The following LEKR1 variants were observed in gnomAD, a reference collection of about 807,000 sequenced individuals.
LEKR1 encodes the protein leucine, glutamate and lysine rich 1, also known as protein LEKR1.
In LEKR1, 59 loss-of-function variants were observed where a neutral mutation model predicts 72.4. The observed-to-expected ratio is 0.82, with a 90% CI of 0.66 to 1.01. LEKR1 has a LOEUF of 1.01. LEKR1 is among the 50% of genes least tolerant of loss of function. The probability of loss-of-function intolerance (pLI) is 0.00; values close to 1 mark genes in which losing one functional copy is unlikely to be tolerated. For synonymous variants in LEKR1, 257 were observed against 263.2 expected (o/e 0.98, Z 0.23); for missense variants, 728 against 759.2 (o/e 0.96, Z 0.48).
At chr3:157,044,820 T>C (rs1241700510) in intron 12 of LEKR1, among the ~76,000 whole-genome samples, 1 of 152,234 alleles carries the variant, frequency 6.6e-6, no homozygotes, top group Non-Finnish European at 1.5e-5. Context: ...CTGATTTTAT[T>C]GTTTCAACGC....
chr3:156,846,518 T>C (rs1329944700), intron 2 of LEKR1, among the ~76,000 whole-genome samples: 1 of 152,080 alleles, frequency 6.6e-6, no homozygotes, highest in East Asian at 1.9e-4. Context: ...GTTAACTTAA[T>C]GATGAGGAAG....
chr3:157,003,398 C>T (rs1318437144), intron 9 of LEKR1, among the ~76,000 whole-genome samples: 1 of 152,136 alleles, frequency 6.6e-6, no homozygotes, highest in Non-Finnish European at 1.5e-5. Flanking sequence ...AATTTAGTGG[C>T]TTAAAATAAC....
At chr3:156,950,707 A>C (rs1295124600) in intron 6 of LEKR1, among the ~76,000 whole-genome samples, 1 of 151,468 alleles carries the variant, frequency 6.6e-6, no homozygotes, top group Non-Finnish European at 1.5e-5. Context: ...GTGATTGTAC[A>C]TTGATTTTGT....
chr3:156,953,996 G>T (rs1727401552), intron 6 of LEKR1, among the ~76,000 whole-genome samples: 1 of 151,758 alleles, frequency 6.6e-6, no homozygotes. Context: ...CAGTGTAAAA[G>T]CTCCTTTTTC....
intron 12 of LEKR1, among the ~76,000 whole-genome samples, chr3:157,039,790 T>C (rs1254547512): frequency 6.6e-6 from 1 of 152,224 alleles, no homozygotes; most frequent in Non-Finnish European, 1.5e-5. Context: ...GTTTAATCAG[T>C]ATACAGAATA....
intron 12 of LEKR1, among the ~76,000 whole-genome samples, chr3:157,036,783 G>T (rs1734998116): frequency 6.6e-6 from 1 of 152,104 alleles, no homozygotes; most frequent in Non-Finnish European, 1.5e-5. Context: ...AGAATGGTGG[G>T]TTCTTAGAAG....
At chr3:157,021,625 G>A (rs1320440718) in intron 10 of LEKR1, among the ~76,000 whole-genome samples, 1 of 152,024 alleles carries the variant, frequency 6.6e-6, no homozygotes, top group Non-Finnish European at 1.5e-5. Context: ...CTTAATTTGA[G>A]CAATCAATCC....
chr3:156,955,319 T>C (rs1186506121), intron 6 of LEKR1, among the ~76,000 whole-genome samples: 1 of 152,016 alleles, frequency 6.6e-6, no homozygotes, highest in Non-Finnish European at 1.5e-5. Context: ...CTTATTTTCC[T>C]ATTTGGATAT....
intron 2 of LEKR1, among the ~76,000 whole-genome samples, chr3:156,836,020 T>C (rs1713094076): frequency 6.6e-6 from 1 of 151,598 alleles, no homozygotes; most frequent in Non-Finnish European, 1.5e-5. Context: ...ATTACAGGCA[T>C]GTACCACCAT....
intron 1 of LEKR1, among the ~76,000 whole-genome samples, chr3:156,827,844 G>A (rs937835112): frequency 6.6e-6 from 1 of 152,196 alleles, no homozygotes; most frequent in Non-Finnish European, 1.5e-5. Flanking sequence ...ATTTAGATCC[G>A]TGCTCTCAGA....
intron 5 of LEKR1, among the ~76,000 whole-genome samples, chr3:156,928,143 A>G (rs62275808): frequency 0.032 from 4,826 of 152,146 alleles, 115 homozygotes; most frequent in Non-Finnish European, 0.047. Flanking sequence ...TGAGTTCCAG[A>G]CAGAGGATAA....
At chr3:157,019,423 G>A (rs1287478322) in intron 10 of LEKR1, among the ~76,000 whole-genome samples, 1 of 152,164 alleles carries the variant, frequency 6.6e-6, no homozygotes, top group Non-Finnish European at 1.5e-5. Flanking sequence ...GAATGCTCTG[G>A]AGTCATCCGG....
intron 3 of LEKR1, among the ~76,000 whole-genome samples, chr3:156,898,337 G>A (rs140347352): frequency 0.046 from 6,924 of 152,034 alleles, 564 homozygotes; most frequent in African/African-American, 0.16. Flanking sequence ...GGTTTGTAGG[G>A]CATGACTCCC....
In LEKR1 at chr3:156,979,203, G is replaced by A. The variant is rs1206532109; in HGVS notation, c.755G>A (p.Cys252Tyr). 3 of 1,273,946 alleles carry A rather than the reference G, an allele frequency of 2.4e-6. No individual in the cohort carries two copies. The highest frequency in any genetic ancestry group is 3.0e-5 in the African/African-American group (2 of 65,574). The allele number at this position is 1,273,946 out of a possible 1,614,324, so 78.9% of individuals were successfully genotyped here. Reference sequence around the variant, plus strand: ...CATTGTGTCATTTCAGATTTACAATGTCTAGTAGAGGCACTTGGATTAAAA... The same window carrying A: ...CATTGTGTCATTTCAGATTTACAATATCTAGTAGAGGCACTTGGATTAAAA... ...DLQKEVLDLQ[C>Y]LVEALGLKLQ... Residue 252 changes from cysteine to tyrosine, a missense_variant, in exon 7 of 13, where the codon TGT becomes TAT. Cys to Tyr is a radical substitution (Grantham distance 194, BLOSUM62 -2). Coordinates refer to ENST00000356539, the MANE Select transcript of LEKR1 (RefSeq NM_001004316.3).
At chr3:156,830,954 T>C (rs1712300716) in intron 2 of LEKR1, among the ~76,000 whole-genome samples, 1 of 152,202 alleles carries the variant, frequency 6.6e-6, no homozygotes, top group African/African-American at 2.4e-5. Context: ...TTTGGTTTCT[T>C]TTTTATTGTT....
chr3:156,902,108 G>A (rs979637508), intron 3 of LEKR1, among the ~76,000 whole-genome samples: 45 of 152,054 alleles, frequency 3.0e-4, no homozygotes, highest in African/African-American at 1.1e-3. Context: ...ATATTTTGGG[G>A]TGCATTAATA....
chr3:156,836,413 A>T (rs1366674791), intron 2 of LEKR1, among the ~76,000 whole-genome samples: 2 of 152,214 alleles, frequency 1.3e-5, no homozygotes, highest in Non-Finnish European at 2.9e-5. Context: ...AAGAAAAAAA[A>T]AGCTTTTTCT....
At chr3:156,930,406 G>A (rs1180088296) in intron 5 of LEKR1, among the ~76,000 whole-genome samples, 1 of 151,996 alleles carries the variant, frequency 6.6e-6, no homozygotes, top group Non-Finnish European at 1.5e-5. Context: ...GGCTTATAAA[G>A]TATGTCAATG....
chr3:156,899,075 T>C (rs1560062892), intron 3 of LEKR1, among the ~76,000 whole-genome samples: 1 of 151,856 alleles, frequency 6.6e-6, no homozygotes, highest in East Asian at 1.9e-4. Context: ...TTGCTGTCAG[T>C]GGGGTAGACA....
Sources: gnomAD v4.1 joint callset for allele counts (sites outside exome capture counted in the v4.1 genomes callset) on GRCh38, gnomAD v4.1.1 for gene constraint, MANE v1.5 for transcripts, NCBI Gene and HGNC (gene_info 2026-07-23, HGNC 2026-07-21) for gene names.